Variants in NRG1 observed in about 807,000 individuals in gnomAD.
The protein encoded by NRG1 is neuregulin 1.
NRG1 carries 18 observed loss-of-function variants against 63.8 expected under a neutral mutation model. The ratio of observed to expected loss-of-function variants is 0.28; its 90% CI spans 0.19 to 0.42. The LOEUF is 0.42. Among genes scored for constraint, NRG1 ranks in the 10% least tolerant of loss-of-function variants. NRG1 has a pLI of 1.00. For synonymous variants in NRG1, 302 were observed against 301.3 expected, an observed-to-expected ratio of 1.00 and a Z score of -0.02; for missense variants, 762 against 814.7, an observed-to-expected ratio of 0.94 and a Z score of 0.79.
chr8:32,635,734 A>G (rs963226591), intron 5 of NRG1, among the ~76,000 whole-genome samples: 7 of 152,182 alleles, frequency 4.6e-5, no homozygotes, highest in Non-Finnish European at 8.8e-5. Flanking sequence ...TTGCATTGCC[A>G]AATGCTTAGG....
At chr8:31,660,156 A>C (rs1805837481) in intron 1 of NRG1, among the ~76,000 whole-genome samples, 1 of 152,192 alleles carries the variant, frequency 6.6e-6, no homozygotes, top group Non-Finnish European at 1.5e-5. Flanking sequence ...AATAAAAGTA[A>C]CAGGATTTTC....
intron 6 of NRG1, among the ~76,000 whole-genome samples, chr8:32,736,516 T>A (rs893652463): frequency 2.6e-5 from 4 of 152,222 alleles, no homozygotes; most frequent in African/African-American, 7.2e-5. Flanking sequence ...TATTCCTTGA[T>A]AGAGATTTGT....
At chr8:32,752,885 C>T (rs1368661594) in intron 7 of NRG1, among the ~76,000 whole-genome samples, 2 of 152,080 alleles carry the variant, frequency 1.3e-5, no homozygotes, top group South Asian at 4.1e-4. Context: ...TGTTCTTGAC[C>T]TGTTTACTGG....
chr8:32,560,406 T>C (rs1836163149), intron 1 of NRG1, among the ~76,000 whole-genome samples: 1 of 152,228 alleles, frequency 6.6e-6, no homozygotes, highest in Non-Finnish European at 1.5e-5. Context: ...CAAAGTCATA[T>C]CTGTCTTTTA....
chr8:32,127,385 T>C (rs1410930324), intron 1 of NRG1, among the ~76,000 whole-genome samples: 2 of 151,762 alleles, frequency 1.3e-5, no homozygotes, highest in Non-Finnish European at 2.9e-5. Flanking sequence ...CAAGAGAAGG[T>C]TGGCTACAGA....
intron 1 of NRG1, among the ~76,000 whole-genome samples, chr8:31,802,404 C>T (rs572330418): frequency 6.6e-6 from 1 of 152,166 alleles, no homozygotes; most frequent in Admixed American, 6.5e-5. Context: ...TTAAATTCCT[C>T]GTACATACAA....
rs148710273 is a variant in NRG1 at position 32,578,279 on chromosome 8, C to G, written c.101-17549C>G. ...AAAGTGCTGAGATCACAGGCATGAG[C>G]CACCGTGCCCGGCCAGATCTTTTTA... is the stretch of plus-strand genomic sequence containing the variant. On this transcript the variant is annotated intron_variant, in intron 1 of 11. Transcript: ENST00000356819. 7.0e-3 allele frequency among the ~76,000 whole-genome samples: 1,060 copies of G among 152,308 alleles called. 6 individuals are homozygous for G. The highest frequency in any genetic ancestry group is 0.011 in the Non-Finnish European group (745 of 68,020).
At chr8:32,504,334 G>A (rs187553608) in intron 1 of NRG1, among the ~76,000 whole-genome samples, 1 of 152,266 alleles carries the variant, frequency 6.6e-6, no homozygotes, top group Admixed American at 6.5e-5. Flanking sequence ...CTAGCTACCT[G>A]CTGTAACAAA....
At chr8:31,825,404 A>G (rs1824452901) in intron 1 of NRG1, among the ~76,000 whole-genome samples, 1 of 151,974 alleles carries the variant, frequency 6.6e-6, no homozygotes, top group Admixed American at 6.6e-5. Context: ...AAAAAAAAGT[A>G]TTTTATACTT....
At chr8:32,197,984 A>G (rs956051584) in intron 1 of NRG1, among the ~76,000 whole-genome samples, 1 of 152,170 alleles carries the variant, frequency 6.6e-6, no homozygotes, top group Non-Finnish European at 1.5e-5. Context: ...ACGCGCACAC[A>G]CACACACACA....
At chr8:32,339,689 T>C (rs1220349477) in intron 1 of NRG1, among the ~76,000 whole-genome samples, 1 of 152,184 alleles carries the variant, frequency 6.6e-6, no homozygotes, top group Non-Finnish European at 1.5e-5. Context: ...TCCAGACAAA[T>C]AAAATGACGT....
intron 1 of NRG1, among the ~76,000 whole-genome samples, chr8:32,118,194 T>TTTTTTTA (rs1377336282): frequency 6.6e-6 from 1 of 152,092 alleles, no homozygotes; most frequent in Non-Finnish European, 1.5e-5. Flanking sequence ...GTGGGCTTAA[T>TTTTTTTA]GGGAGGTGTT....
At chr8:32,656,464 A>G (rs1158442806) in intron 5 of NRG1, among the ~76,000 whole-genome samples, 1 of 152,194 alleles carries the variant, frequency 6.6e-6, no homozygotes, top group Non-Finnish European at 1.5e-5. Context: ...GTGCTGTTCT[A>G]GATATACACA....
chr8:32,517,811 A>G (rs1013559572), intron 1 of NRG1, among the ~76,000 whole-genome samples: 2 of 152,186 alleles, frequency 1.3e-5, no homozygotes, highest in South Asian at 4.1e-4. Context: ...AATTTGCAGT[A>G]CTTTCCCACA....
chr8:32,682,518 T>C (rs4565419), intron 5 of NRG1, among the ~76,000 whole-genome samples: 14,034 of 152,210 alleles, frequency 0.092, 693 homozygotes, highest in African/African-American at 0.11. Flanking sequence ...TTCTGATGCC[T>C]GCTTTTAATT....
chr8:31,690,318 A>G (rs1467959962), intron 1 of NRG1, among the ~76,000 whole-genome samples: 2 of 152,008 alleles, frequency 1.3e-5, no homozygotes, highest in African/African-American at 4.8e-5. Context: ...GGCTTGGAGG[A>G]GTTTAAGGAG....
chr8:32,432,695 G>A (rs140925743), intron 1 of NRG1, among the ~76,000 whole-genome samples: 7 of 152,056 alleles, frequency 4.6e-5, no homozygotes, highest in African/African-American at 1.7e-4. Context: ...TTTCCACCAT[G>A]TTGCCCAGGC....
At chr8:32,470,183 C>CTTT (rs33936895) in intron 1 of NRG1, among the ~76,000 whole-genome samples, 149 of 124,706 alleles carry the variant, frequency 1.2e-3, no homozygotes, top group Admixed American at 2.3e-3. Context: ...GAAAAGGACT[C>CTTT]TTTTTTTTTT....
chr8:32,418,126 T>C (rs1015837137), intron 1 of NRG1, among the ~76,000 whole-genome samples: 10 of 152,132 alleles, frequency 6.6e-5, no homozygotes, highest in African/African-American at 2.4e-4. Flanking sequence ...AATACAGCGA[T>C]ATTTACTTAT....
Sources: allele counts gnomAD v4.1 joint callset (sites outside exome capture counted in the v4.1 genomes callset), GRCh38; gene constraint gnomAD v4.1.1; transcripts MANE v1.5; gene names NCBI Gene and HGNC (gene_info 2026-07-23, HGNC 2026-07-21).